SEMA5A: variants seen among roughly 807,000 people sequenced by gnomAD.
SEMA5A encodes semaphorin-5A.
In SEMA5A, 55 loss-of-function variants were observed where a neutral mutation model predicts 135.5. That is an observed-to-expected ratio of 0.41 (90% CI 0.33 to 0.51). SEMA5A has a LOEUF of 0.51. SEMA5A is among the 20% of genes least tolerant of loss of function. The pLI, the probability that SEMA5A is intolerant of heterozygous loss-of-function variation, is 0.37. For missense variants in SEMA5A, 1,290 were observed against 1,419.9 expected, an observed-to-expected ratio of 0.91 and a Z score of 1.47; for synonymous variants, 580 against 546.5, an observed-to-expected ratio of 1.06 and a Z score of -0.85.
At position 9,091,385 on chromosome 5, in the gene SEMA5A, C is replaced by T. The variant is rs146224402; in HGVS notation, c.2073+16755G>A. On this transcript the variant is annotated intron_variant, in intron 16 of 22. Coordinates refer to ENST00000382496, the MANE Select transcript of SEMA5A (RefSeq NM_003966.3). Reference sequence around the variant, plus strand: ...ACCCATGGGGTACATCTGAGAAAAACAGGGCTCTGTAGAGCTGAGGATGAC... The same window carrying T: ...ACCCATGGGGTACATCTGAGAAAAATAGGGCTCTGTAGAGCTGAGGATGAC... 7.0e-3 allele frequency among the ~76,000 whole-genome samples: 1,063 copies of T among 152,196 alleles called. 7 individuals are homozygous for T. The highest frequency in any genetic ancestry group is 0.01 in the Middle Eastern group (3 of 294).
rs182239445 is a variant in SEMA5A at position 9,246,114 on chromosome 5, C to T, written c.271-8224G>A. On this transcript the variant is annotated intron_variant, in intron 5 of 22. Transcript: ENST00000382496. Reference sequence around the variant, plus strand: ...TCAAAAATATTTCTAAGGTAAGGCTCATAAGAGCCTTACTTCTTGGTTGCA... The same window carrying T: ...TCAAAAATATTTCTAAGGTAAGGCTTATAAGAGCCTTACTTCTTGGTTGCA... Among the ~76,000 whole-genome samples, 422 of 152,212 alleles carry T rather than the reference C, an allele frequency of 2.8e-3. 2 individuals carry two copies. The highest frequency in any genetic ancestry group is 9.6e-3 in the African/African-American group (400 of 41,532).
chr5:9,463,639 C>G (rs555502988), intron 1 of SEMA5A, among the ~76,000 whole-genome samples: 4 of 152,126 alleles, frequency 2.6e-5, no homozygotes, highest in Non-Finnish European at 4.4e-5. Context: ...GCAGGTGCTC[C>G]AAGCCACTGA....
chr5:9,222,058 C>T (rs1012582333), intron 8 of SEMA5A, among the ~76,000 whole-genome samples: 3 of 152,182 alleles, frequency 2.0e-5, no homozygotes, highest in African/African-American at 7.2e-5. Context: ...GGTGGCCCCC[C>T]CTGGGGCTGG....
chr5:9,212,308 C>CATAATCATTTCAATGATTA (rs1746385935), intron 8 of SEMA5A, among the ~76,000 whole-genome samples: 1 of 152,184 alleles, frequency 6.6e-6, no homozygotes, highest in African/African-American at 2.4e-5. Flanking sequence ...CATTTATTAT[C>CATAATCATTTCAATGATTA]CTGCCTTACA....
chr5:9,400,903 T>C (rs1756632650), intron 2 of SEMA5A, among the ~76,000 whole-genome samples: 1 of 152,194 alleles, frequency 6.6e-6, no homozygotes, highest in Admixed American at 6.5e-5. Flanking sequence ...TTACATTACC[T>C]AGAATTATAA....
intron 1 of SEMA5A, among the ~76,000 whole-genome samples, chr5:9,521,786 G>A (rs576598413): frequency 1.7e-4 from 26 of 152,214 alleles, no homozygotes; most frequent in East Asian, 7.7e-4. Context: ...TAAAGCACGC[G>A]CTCCCTGCAG....
chr5:9,457,969 G>A (rs1339821958), intron 1 of SEMA5A, among the ~76,000 whole-genome samples: 11 of 131,118 alleles, frequency 8.4e-5, no homozygotes, highest in African/African-American at 1.8e-4. Flanking sequence ...GTGCAGTGGC[G>A]CCATCTCGGC....
At chr5:9,182,161 A>C (rs2428654) in intron 11 of SEMA5A, among the ~76,000 whole-genome samples, 46,481 of 115,360 alleles carry the variant, frequency 0.4, 9,780 homozygotes, top group Non-Finnish European at 0.48. Flanking sequence ...CCCCCACCCC[A>C]AAAAAAAATA....
chr5:9,177,158 T>C (rs1744249893), intron 11 of SEMA5A, among the ~76,000 whole-genome samples: 2 of 152,138 alleles, frequency 1.3e-5, no homozygotes, highest in African/African-American at 2.4e-5. Flanking sequence ...AGTTGATTCA[T>C]TGGAGTGACA....
At chr5:9,068,679 G>A (rs1380276110) in intron 16 of SEMA5A, among the ~76,000 whole-genome samples, 2 of 152,132 alleles carry the variant, frequency 1.3e-5, no homozygotes, top group Non-Finnish European at 2.9e-5. Flanking sequence ...GTCACCCAAT[G>A]TTGTTTTGCC....
At position 9,040,796 on chromosome 5, in the gene SEMA5A, T is replaced by A. The variant is rs1382712444; in HGVS notation, c.*2101A>T. The A allele has an allele frequency of 1.3e-5, 2 of 152,208 alleles. No individual in the cohort carries two copies. The highest frequency in any genetic ancestry group is 4.8e-5 in the African/African-American group (2 of 41,448). The allele number at this position is 152,208 out of a possible 1,614,324, so 9.4% of individuals were successfully genotyped here. Reference sequence around the variant, plus strand: ...AAACATTCTTGAAATATTAGAATCCTCTTTACCAGGGAAAATAAAATGTCC... The same window carrying A: ...AAACATTCTTGAAATATTAGAATCCACTTTACCAGGGAAAATAAAATGTCC... On this transcript the variant is annotated 3_prime_UTR_variant, in exon 23 of 23. Transcript: ENST00000382496.
chr5:9,289,023 T>G (rs1044016586), intron 5 of SEMA5A, among the ~76,000 whole-genome samples: 2 of 152,246 alleles, frequency 1.3e-5, no homozygotes, highest in African/African-American at 4.8e-5. Flanking sequence ...TTAAGCCTAT[T>G]AGAGACCTGT....
At chr5:9,149,637 C>T (rs1248028396) in intron 12 of SEMA5A, among the ~76,000 whole-genome samples, 3 of 152,076 alleles carry the variant, frequency 2.0e-5, no homozygotes, top group African/African-American at 4.8e-5. Context: ...GAGTGAGACT[C>T]GTCTCAAAAA....
chr5:9,351,796 G>A (rs181183411), intron 3 of SEMA5A, among the ~76,000 whole-genome samples: 36 of 152,254 alleles, frequency 2.4e-4, no homozygotes, highest in African/African-American at 8.2e-4. Context: ...CCAGACATAT[G>A]GACTAGCTAA....
In SEMA5A at chr5:9,398,391, G is replaced by A. The variant is rs541573668; in HGVS notation, c.-77-18368C>T. ...ATCTTGAGAGTTTCCCCCACATATC[G>A]TACTGAAGATAAAATACAATGAGAT... On this transcript the variant is annotated intron_variant, in intron 2 of 22. Transcript: ENST00000382496. Among the ~76,000 whole-genome samples the A allele has an allele frequency of 4.6e-5, 7 of 152,244 alleles. No individual in the cohort carries two copies. In the South Asian group the frequency reaches 6.2e-4, roughly 14 times the overall value.
chr5:9,280,379 C>T (rs529084534), intron 5 of SEMA5A, among the ~76,000 whole-genome samples: 155 of 152,296 alleles, frequency 1.0e-3, no homozygotes, highest in African/African-American at 3.5e-3. Context: ...TTCAAGACCA[C>T]CTGAGCAGCA....
chr5:9,210,261 A>T (rs925976387), intron 8 of SEMA5A, among the ~76,000 whole-genome samples: 2 of 152,088 alleles, frequency 1.3e-5, no homozygotes, highest in African/African-American at 4.8e-5. Context: ...TCCTCACATG[A>T]CTGGAGAGGA....
rs906673158 is a variant in SEMA5A at position 9,298,763 on chromosome 5, A to G, written c.270+19609T>C. 3.3e-5 allele frequency among the ~76,000 whole-genome samples: 5 copies of G among 152,216 alleles called. No individual in the cohort carries two copies. The East Asian group carries it at 9.6e-4, about 29-fold the overall frequency. On this transcript the variant is annotated intron_variant, in intron 5 of 22. Coordinates refer to ENST00000382496, the MANE Select transcript of SEMA5A (RefSeq NM_003966.3). Reference sequence around the variant, plus strand: ...GGTTCTTTTTCAAGACTGTGATGGTAGCTGACATTTTTGCAGCTTTAAATA... The same window carrying G: ...GGTTCTTTTTCAAGACTGTGATGGTGGCTGACATTTTTGCAGCTTTAAATA...
chr5:9,194,641 TG>T (rs2150354948), intron 10 of SEMA5A, among the ~76,000 whole-genome samples: 1 of 152,322 alleles, frequency 6.6e-6, no homozygotes, highest in African/African-American at 2.4e-5. Flanking sequence ...GCTGTGTACT[TG>T]TACTAGGAGT....
Sources: allele counts gnomAD v4.1 joint callset (sites outside exome capture counted in the v4.1 genomes callset), GRCh38; gene constraint gnomAD v4.1.1; transcripts MANE v1.5; gene names NCBI Gene and HGNC (gene_info 2026-07-23, HGNC 2026-07-21).